NFATC3: variants seen among roughly 807,000 people sequenced by gnomAD.
The protein encoded by NFATC3 is nuclear factor of activated T cells 3.
In NFATC3, 46 loss-of-function variants were observed where a neutral mutation model predicts 98.6. That is an observed-to-expected ratio of 0.47 (90% CI 0.37 to 0.60). NFATC3 has a LOEUF of 0.60. Ranked by LOEUF, NFATC3 falls within the 20% of genes least tolerant of loss-of-function variation. The probability of loss-of-function intolerance (pLI) is 0.00; values close to 1 mark genes in which losing one functional copy is unlikely to be tolerated. For missense variants in NFATC3, 1,256 were observed against 1,295.5 expected, an observed-to-expected ratio of 0.97 and a Z score of 0.47; for synonymous variants, 512 against 472.2, an observed-to-expected ratio of 1.08 and a Z score of -1.09.
intron 3 of NFATC3, among the ~76,000 whole-genome samples, chr16:68,139,231 A>G (rs1034421740): frequency 4.4e-4 from 67 of 152,344 alleles, no homozygotes; most frequent in African/African-American, 1.5e-3. Flanking sequence ...TTTTTTCTTT[A>G]TAAAATGAGA....
intron 3 of NFATC3, among the ~76,000 whole-genome samples, chr16:68,149,256 T>C (rs1217669716): frequency 6.6e-6 from 1 of 152,170 alleles, no homozygotes; most frequent in Non-Finnish European, 1.5e-5. Context: ...GACCATTTTA[T>C]TAGTTCCCAC....
chr16:68,168,199 T>C (rs2039302419), intron 5 of NFATC3, among the ~76,000 whole-genome samples: 2 of 151,270 alleles, frequency 1.3e-5, no homozygotes, highest in Admixed American at 6.6e-5. Context: ...CTCACTCTCT[T>C]GCCCAGGCTG....
intron 3 of NFATC3, among the ~76,000 whole-genome samples, chr16:68,153,704 C>G (rs1415545828): frequency 2.0e-5 from 3 of 152,164 alleles, no homozygotes; most frequent in Non-Finnish European, 4.4e-5. Context: ...AGCTCCACCT[C>G]CTGGGTTCAC....
At chr16:68,201,645 T>C (rs2040920510) in intron 9 of NFATC3, among the ~76,000 whole-genome samples, 1 of 151,392 alleles carries the variant, frequency 6.6e-6, no homozygotes, top group African/African-American at 2.4e-5. Flanking sequence ...GTTTGTTTCT[T>C]TTAAAAAAAA....
rs550304808 is a variant in NFATC3, at chr16:68,167,076, C to T, written c.1774+61C>T. The T allele has an allele frequency of 2.0e-6, 3 of 1,531,222 alleles. No homozygotes were observed. In the African/African-American group the frequency reaches 4.1e-5, roughly 21 times the overall value. 94.9% of individuals were successfully genotyped at this position (1,531,222 alleles called of 1,614,324 possible). A position where few individuals can be genotyped will look rare whatever the true frequency, so the allele number is the denominator to read the frequency against. On this transcript the variant is annotated intron_variant, in intron 5 of 9. Transcript: ENST00000346183. ...GTATAATAGCTTATTTTCTGTTTTA[C>T]TTATAATGTAATGTATGCGTCTGAA...
At chr16:68,118,425 C>G (rs2036402984) in intron 1 of NFATC3, among the ~76,000 whole-genome samples, 1 of 152,162 alleles carries the variant, frequency 6.6e-6, no homozygotes, top group South Asian at 2.1e-4. Flanking sequence ...AAATATTAAT[C>G]ACATCATTAA....
At chr16:68,214,536 A>G (rs2041555480) in intron 9 of NFATC3, 1 of 871,198 alleles carries the variant, frequency 1.1e-6, no homozygotes, top group Non-Finnish European at 1.9e-6. Flanking sequence ...ATGCACGGGC[A>G]TTTTCTGGTA....
In NFATC3 at chr16:68,162,010, C is replaced by T. The variant is rs999446714; in HGVS notation, c.1601+3942C>T. 2.0e-5 allele frequency among the ~76,000 whole-genome samples: 3 copies of T among 152,134 alleles called. No individual in the cohort carries two copies. The South Asian group carries it at 6.2e-4, about 31-fold the overall frequency. ...ATGTCCCTTCCTCAACCAGATCTAG[C>T]ATGTACTGTGTATTTTAGACCAGAA... On this transcript the variant is annotated intron_variant, in intron 4 of 9. Transcript: ENST00000346183.
At chr16:68,106,912 C>T (rs1013826435) in intron 1 of NFATC3, among the ~76,000 whole-genome samples, 4 of 152,072 alleles carry the variant, frequency 2.6e-5, no homozygotes, top group Admixed American at 2.0e-4. Context: ...CTCCCTCTCT[C>T]GTGACCCCCA....
chr16:68,218,014 C>T, intron 9 of NFATC3: 1 of 1,159,436 alleles, frequency 8.6e-7, no homozygotes, highest in Non-Finnish European at 1.1e-6. Context: ...GAACTTATTT[C>T]TGTCTGTAGC....
At chr16:68,109,198 T>C (rs576094577) in intron 1 of NFATC3, among the ~76,000 whole-genome samples, 6 of 152,308 alleles carry the variant, frequency 3.9e-5, no homozygotes, top group African/African-American at 1.4e-4. Flanking sequence ...CAGTATGACA[T>C]TGGATGTGGG....
intron 1 of NFATC3, among the ~76,000 whole-genome samples, chr16:68,111,895 C>A (rs75286242): frequency 2.6e-5 from 4 of 152,030 alleles, no homozygotes; most frequent in African/African-American, 9.6e-5. Context: ...TTAATTTGTC[C>A]GGATATGACA....
At chr16:68,098,534 T>A (rs1312920691) in intron 1 of NFATC3, among the ~76,000 whole-genome samples, 1 of 152,112 alleles carries the variant, frequency 6.6e-6, no homozygotes, top group Admixed American at 6.6e-5. Context: ...TCTCCTGAGC[T>A]CGTGATCCAC....
chr16:68,115,481 G>A (rs1353955020), intron 1 of NFATC3, among the ~76,000 whole-genome samples: 1 of 151,930 alleles, frequency 6.6e-6, no homozygotes, highest in Non-Finnish European at 1.5e-5. Context: ...GAGTGCAGTA[G>A]TAGCGCAATC....
At chr16:68,217,589 T>A in intron 9 of NFATC3, 1 of 1,186,056 alleles carries the variant, frequency 8.4e-7, no homozygotes, top group Non-Finnish European at 1.1e-6. Context: ...TTGTTAATAG[T>A]ATTAGCTAAG....
Sources: allele counts gnomAD v4.1 joint callset (sites outside exome capture counted in the v4.1 genomes callset), GRCh38; gene constraint gnomAD v4.1.1; transcripts MANE v1.5; gene names NCBI Gene and HGNC (gene_info 2026-07-23, HGNC 2026-07-21).